The following UNC79 variants were observed in gnomAD, a reference collection of about 807,000 sequenced individuals.
UNC79 encodes the protein protein unc-79 homolog.
In UNC79, 37 loss-of-function variants were observed where a neutral mutation model predicts 283.1. The observed-to-expected ratio is 0.13, with a 90% CI of 0.10 to 0.17. The LOEUF (loss-of-function observed/expected upper bound fraction) is 0.17. Among genes scored for constraint, UNC79 ranks in the 10% least tolerant of loss-of-function variants. UNC79 has a pLI of 1.00. For synonymous variants in UNC79, 1,107 were observed against 1,200.2 expected, an observed-to-expected ratio of 0.92 and a Z score of 1.61; for missense variants, 2,272 against 3,211.1, an observed-to-expected ratio of 0.71 and a Z score of 7.07.
chr14:93,545,735 G>T (rs767285686), intron 14 of UNC79, among the ~76,000 whole-genome samples: 7 of 152,134 alleles, frequency 4.6e-5, no homozygotes, highest in Non-Finnish European at 1.0e-4. Flanking sequence ...CTGCCTGATG[G>T]GTTCTTCCTG....
chr14:93,348,693 C>A (rs572253283), intron 1 of UNC79, among the ~76,000 whole-genome samples: 2 of 152,252 alleles, frequency 1.3e-5, no homozygotes, highest in African/African-American at 4.8e-5. Flanking sequence ...TTCTCTTAGT[C>A]TTCTGTGAGG....
intron 13 of UNC79, 124 bp from the exon 14 acceptor site, chr14:93,542,342 T>C: frequency 1.0e-6 from 1 of 954,518 alleles, no homozygotes; most frequent in South Asian, 1.8e-5. Context: ...TTTTTAAAAC[T>C]GCCTATTTCA....
chr14:93,514,035 T>G (rs911246618), intron 7 of UNC79, among the ~76,000 whole-genome samples: 4 of 152,112 alleles, frequency 2.6e-5, no homozygotes, highest in Non-Finnish European at 4.4e-5. Context: ...TTTAGGAAAC[T>G]AGAGAAAGAA....
intron 47 of UNC79, among the ~76,000 whole-genome samples, chr14:93,698,619 G>A (rs1312745429): frequency 1.3e-5 from 2 of 150,972 alleles, no homozygotes; most frequent in Non-Finnish European, 2.9e-5. Context: ...CTGAGTAGCT[G>A]GGACCACAGG....
intron 23 of UNC79, among the ~76,000 whole-genome samples, chr14:93,596,139 A>G (rs1038588253): frequency 5.9e-5 from 9 of 152,232 alleles, no homozygotes; most frequent in Non-Finnish European, 1.2e-4. Flanking sequence ...CACAAAATAA[A>G]ATATGTCATA....
intron 1 of UNC79, among the ~76,000 whole-genome samples, chr14:93,455,573 C>A (rs1383329389): frequency 6.6e-6 from 1 of 151,900 alleles, no homozygotes; most frequent in Admixed American, 6.6e-5. Context: ...CTTCTTTACT[C>A]CACAGGTTAC....
intron 1 of UNC79, among the ~76,000 whole-genome samples, chr14:93,370,178 A>G (rs2054413791): frequency 6.6e-6 from 1 of 152,216 alleles, no homozygotes; most frequent in Non-Finnish European, 1.5e-5. Flanking sequence ...AGGACATTCT[A>G]AAAGACATAA....
At chr14:93,435,282 C>T (rs1330024573) in intron 1 of UNC79, among the ~76,000 whole-genome samples, 1 of 152,176 alleles carries the variant, frequency 6.6e-6, no homozygotes, top group Non-Finnish European at 1.5e-5. Flanking sequence ...TTTTAGCTCT[C>T]GTCTTACATG....
intron 1 of UNC79, among the ~76,000 whole-genome samples, chr14:93,377,054 T>C (rs1403693530): frequency 6.7e-6 from 1 of 150,268 alleles, no homozygotes; most frequent in Non-Finnish European, 1.5e-5. Context: ...AGCAGTGCAG[T>C]TTGCAAGATT....
At chr14:93,612,730 A>G in intron 26 of UNC79, 67 bp from the exon 28 acceptor site, 2 of 1,561,728 alleles carry the variant, frequency 1.3e-6, no homozygotes, top group Non-Finnish European at 1.7e-6. Flanking sequence ...TCAATATCTA[A>G]GAGAGATTTT....
At chr14:93,498,193 G>A (rs1595655430) in intron 7 of UNC79, among the ~76,000 whole-genome samples, 2 of 151,826 alleles carry the variant, frequency 1.3e-5, no homozygotes, top group East Asian at 3.9e-4. Flanking sequence ...CTTGAACCCA[G>A]GAGGAGGAGG....
At position 93,660,503 on chromosome 14, in the gene UNC79, A is replaced by T. The variant is rs1224723850; in HGVS notation, c.6525+1242A>T. Among the ~76,000 whole-genome samples the T allele has an allele frequency of 2.3e-5, 3 of 131,046 alleles. No homozygotes were observed. The East Asian group carries it at 7.3e-4, about 32-fold the overall frequency. 86.0% of individuals were successfully genotyped at this position (131,046 alleles called of 152,430 possible). ...TTCCTATTCCTTTCATCTATTGACA[A>T]TGTTTCAAGACAATAGCATATATAT... On this transcript the variant is annotated intron_variant, in intron 39 of 48. Coordinates refer to ENST00000555664, the Ensembl canonical transcript of UNC79.
intron 32 of UNC79, among the ~76,000 whole-genome samples, chr14:93,638,511 G>A (rs2068713385): frequency 6.6e-6 from 1 of 152,130 alleles, no homozygotes; most frequent in Non-Finnish European, 1.5e-5. Flanking sequence ...TACAGCTGGG[G>A]GATTGATCCA....
intron 40 of UNC79, among the ~76,000 whole-genome samples, chr14:93,665,164 T>C (rs2072042169): frequency 6.7e-6 from 1 of 149,532 alleles, no homozygotes; most frequent in Non-Finnish European, 1.5e-5. Flanking sequence ...TAAATGACTA[T>C]ACTTTAAATG....
At chr14:93,632,543 A>G (rs906878250) in intron 31 of UNC79, among the ~76,000 whole-genome samples, 1 of 152,122 alleles carries the variant, frequency 6.6e-6, no homozygotes, top group Non-Finnish European at 1.5e-5. Flanking sequence ...CTATAAAAAA[A>G]TTAAAAATTA....
chr14:93,659,646 A>G (rs1349254803), intron 39 of UNC79, among the ~76,000 whole-genome samples: 1 of 152,216 alleles, frequency 6.6e-6, no homozygotes, highest in African/African-American at 2.4e-5. Context: ...ATAACTCTCC[A>G]GCCCACCTTT....
At chr14:93,674,116 C>T (rs979935330) in intron 41 of UNC79, among the ~76,000 whole-genome samples, 1 of 152,208 alleles carries the variant, frequency 6.6e-6, no homozygotes, top group Non-Finnish European at 1.5e-5. Flanking sequence ...GTTTCGATGA[C>T]CTGAGACAGG....
chr14:93,486,540 G>T (rs2058442432), intron 4 of UNC79, among the ~76,000 whole-genome samples: 1 of 151,690 alleles, frequency 6.6e-6, no homozygotes, highest in African/African-American at 2.4e-5. Context: ...TGTAATCCCA[G>T]CTACTCGGGA....
At chr14:93,672,327 T>C (rs567434541) in intron 40 of UNC79, among the ~76,000 whole-genome samples, 2 of 152,346 alleles carry the variant, frequency 1.3e-5, no homozygotes, top group East Asian at 1.9e-4. Flanking sequence ...GTGGCATGTA[T>C]ACATAATGAA....
Sources: gnomAD v4.1 joint callset for allele counts (sites outside exome capture counted in the v4.1 genomes callset) on GRCh38, gnomAD v4.1.1 for gene constraint, MANE v1.5 for transcripts, NCBI Gene and HGNC (gene_info 2026-07-23, HGNC 2026-07-21) for gene names.